The following FCHSD2 variants were observed in gnomAD, a reference collection of about 807,000 sequenced individuals.
FCHSD2 encodes the protein F-BAR and double SH3 domains protein 2.
A neutral mutation model predicts 108.1 loss-of-function variants in FCHSD2; 38 were observed. The observed-to-expected ratio is 0.35, with a 90% CI of 0.27 to 0.46. FCHSD2 has a LOEUF of 0.46. FCHSD2 is among the 20% of genes least tolerant of loss of function. FCHSD2 has a pLI of 1.00. For synonymous variants in FCHSD2, 279 were observed against 314.7 expected, an observed-to-expected ratio of 0.89 and a Z score of 1.20; for missense variants, 751 against 897.8, an observed-to-expected ratio of 0.84 and a Z score of 2.09.
intron 5 of FCHSD2, among the ~76,000 whole-genome samples, chr11:72,998,394 T>C (rs1293781234): frequency 6.6e-6 from 1 of 151,958 alleles, no homozygotes; most frequent in Non-Finnish European, 1.5e-5. Flanking sequence ...ACAATAAAAT[T>C]AGCCAGGTGT....
intron 3 of FCHSD2, among the ~76,000 whole-genome samples, chr11:73,051,888 C>A (rs1025061382): frequency 1.8e-4 from 27 of 150,628 alleles, no homozygotes; most frequent in African/African-American, 6.4e-4. Context: ...CACACACACA[C>A]ACACACACAC....
At chr11:73,000,861 C>A (rs763026184) in intron 5 of FCHSD2, 129 bp downstream of exon 5, 14 of 723,454 alleles carry the variant, frequency 1.9e-5, no homozygotes, top group African/African-American at 5.4e-5. Context: ...ATCAGAAAAT[C>A]CTAGTAAAAT....
rs56104404 is a variant in FCHSD2 at position 73,100,334 on chromosome 11, T to TTTGTTG, written c.120-16600_120-16595dup. Among the ~76,000 whole-genome samples, 1,413 of 149,056 alleles carry TTTGTTG rather than the reference T, an allele frequency of 9.5e-3. 9 individuals carry two copies. Among genetic ancestry groups the TTTGTTG allele is most frequent in the African/African-American group, 0.019 (773 of 40,488 alleles). On this transcript the variant is annotated intron_variant, in intron 2 of 19. Transcript: ENST00000409418. ...CACTGACCTAAGCGCTTTACATGCT[T>TTTGTTG]TTGTTGTTGTTGTTGTTGTTGTTGT...
At chr11:72,977,666 C>T (rs1198951731) in intron 8 of FCHSD2, among the ~76,000 whole-genome samples, 1 of 152,196 alleles carries the variant, frequency 6.6e-6, no homozygotes, top group East Asian at 1.9e-4. Context: ...ACTAAAAAGT[C>T]AGGAAACAAC....
chr11:72,980,590 T>C (rs1857193438), intron 8 of FCHSD2, among the ~76,000 whole-genome samples: 2 of 151,846 alleles, frequency 1.3e-5, no homozygotes, highest in South Asian at 4.1e-4. Context: ...GCTATTATTA[T>C]TACTAACCAC....
intron 9 of FCHSD2, among the ~76,000 whole-genome samples, chr11:72,913,431 G>A (rs1343129944): frequency 2.0e-5 from 3 of 152,066 alleles, no homozygotes; most frequent in Admixed American, 1.3e-4. Flanking sequence ...ACCACACTTG[G>A]ATAATTTTTG....
At chr11:73,002,462 G>A (rs537077957) in intron 4 of FCHSD2, among the ~76,000 whole-genome samples, 33 of 152,290 alleles carry the variant, frequency 2.2e-4, no homozygotes, top group African/African-American at 7.5e-4. Context: ...AATGGAACTT[G>A]CAATGTAAAC....
chr11:72,978,854 CTTTTTTTTTTT>C (rs1190277188), intron 8 of FCHSD2, among the ~76,000 whole-genome samples: 1 of 110,858 alleles, frequency 9.0e-6, no homozygotes, highest in African/African-American at 3.4e-5. Context: ...GTAGCTCTTT[CTTTTTTTTTTT>C]TTTTTTTTTG....
At chr11:72,902,710 A>G in intron 9 of FCHSD2, 72 bp from the exon 10 acceptor site, 1 of 891,604 alleles carries the variant, frequency 1.1e-6, no homozygotes, top group South Asian at 1.6e-5. Context: ...AAAGTTTAAG[A>G]TTTATTCTGC....
chr11:72,895,576 G>A (rs549952686), intron 10 of FCHSD2, among the ~76,000 whole-genome samples: 6 of 152,214 alleles, frequency 3.9e-5, no homozygotes, highest in Non-Finnish European at 7.4e-5. Context: ...TAACTAATGC[G>A]TCTATGCAAA....
At chr11:72,869,137 C>G (rs1016587057) in intron 12 of FCHSD2, among the ~76,000 whole-genome samples, 4 of 152,088 alleles carry the variant, frequency 2.6e-5, no homozygotes, top group Non-Finnish European at 5.9e-5. Context: ...GAACTCCTGA[C>G]CTCAGGTGAT....
intron 13 of FCHSD2, among the ~76,000 whole-genome samples, chr11:72,860,398 C>A (rs1257003860): frequency 1.3e-5 from 2 of 152,002 alleles, no homozygotes; most frequent in Non-Finnish European, 2.9e-5. Context: ...CAAAACAAAG[C>A]TCAAAAAGTT....
chr11:73,066,049 C>A (rs887257187), intron 3 of FCHSD2, among the ~76,000 whole-genome samples: 4 of 152,152 alleles, frequency 2.6e-5, no homozygotes, highest in African/African-American at 9.7e-5. Flanking sequence ...ATTGCCAAAA[C>A]AATCCTGGGC....
At chr11:72,993,652 G>A (rs1358863134) in intron 5 of FCHSD2, among the ~76,000 whole-genome samples, 8 of 151,500 alleles carry the variant, frequency 5.3e-5, no homozygotes, top group South Asian at 2.1e-4. Flanking sequence ...GCAGACTATC[G>A]CAAGGACAAA....
chr11:73,063,825 C>T (rs558095989), intron 3 of FCHSD2, among the ~76,000 whole-genome samples: 2 of 151,982 alleles, frequency 1.3e-5, no homozygotes, highest in Non-Finnish European at 2.9e-5. Flanking sequence ...ACTTAGACTC[C>T]CACACAATAA....
intron 10 of FCHSD2, among the ~76,000 whole-genome samples, chr11:72,894,974 T>G (rs943469626): frequency 6.6e-6 from 1 of 152,204 alleles, no homozygotes; most frequent in Non-Finnish European, 1.5e-5. Context: ...TTGACATGTA[T>G]TTGGCCCAAG....
intron 3 of FCHSD2, among the ~76,000 whole-genome samples, chr11:73,076,012 G>C (rs1349931513): frequency 6.6e-6 from 1 of 151,950 alleles, no homozygotes; most frequent in Non-Finnish European, 1.5e-5. Context: ...CCAGCTACTT[G>C]GGAGTCTGAC....
intron 2 of FCHSD2, among the ~76,000 whole-genome samples, chr11:73,134,840 TTTTTTGG>T (rs899366444): frequency 2.6e-5 from 4 of 152,018 alleles, no homozygotes; most frequent in African/African-American, 7.3e-5. Flanking sequence ...GGGGAGTTTG[TTTTTTGG>T]TTTTTGGTTT....
chr11:73,069,211 T>C (rs1292187731), intron 3 of FCHSD2, among the ~76,000 whole-genome samples: 1 of 147,928 alleles, frequency 6.8e-6, no homozygotes, highest in African/African-American at 2.5e-5. Context: ...CTCGGGAGGC[T>C]GAGGCAGGAA....
Sources: allele counts gnomAD v4.1 joint callset (sites outside exome capture counted in the v4.1 genomes callset), GRCh38; gene constraint gnomAD v4.1.1; transcripts MANE v1.5; gene names NCBI Gene and HGNC (gene_info 2026-07-23, HGNC 2026-07-21).